The following STT3B variants were observed in gnomAD, a reference collection of about 807,000 sequenced individuals.
The protein encoded by STT3B is STT3 oligosaccharyltransferase complex catalytic subunit B, also known as dolichyl-diphosphooligosaccharide--protein glycosyltransferase subunit STT3B.
A neutral mutation model predicts 96.8 loss-of-function variants in STT3B; 29 were observed. The observed-to-expected ratio is 0.30, with a 90% CI of 0.22 to 0.41. The LOEUF (loss-of-function observed/expected upper bound fraction) is 0.41, where lower values mean the gene tolerates loss of function less well. Ranked by LOEUF, STT3B falls within the 10% of genes least tolerant of loss-of-function variation. The pLI is 1.00. For missense variants in STT3B, 640 were observed against 1,022.3 expected, an observed-to-expected ratio of 0.63 and a Z score of 5.10; for synonymous variants, 367 against 360.0, an observed-to-expected ratio of 1.02 and a Z score of -0.22.
chr3:31,631,700 A>G lies in STT3B; in HGVS notation c.2188-1235A>G, dbSNP rs145657291. Among the ~76,000 whole-genome samples, 207 of 152,178 alleles carry G rather than the reference A, an allele frequency of 1.4e-3. 3 individuals carry two copies. Among genetic ancestry groups the G allele is most frequent in the Admixed American group, 3.4e-3 (52 of 15,286 alleles). ...GGTGGCTCACACCTGTAATCCCAGA[A>G]CTTTGGGAGGTTAGGTGGGAGGATT... On this transcript the variant is annotated intron_variant, in intron 14 of 15. Transcript: ENST00000295770.
chr3:31,625,058 C>T lies in STT3B; in HGVS notation c.1872C>T (p.Asn624=), dbSNP rs1261419765. The change falls in exon 12 of 16, where the codon AAC becomes AAT. Residue 624 remains asparagine (N), a synonymous_variant. Transcript: ENST00000295770. ...ATAGAACTACGTTGGTGGATAATAA[C>T]ACCTGGAATAACAGCCACATAGCAC... ...MANRTTLVDN[N]TWNNSHIALV... 1 of 1,613,222 alleles carries T rather than the reference C, an allele frequency of 6.2e-7. No homozygotes were observed. Among genetic ancestry groups the T allele is most frequent in the Admixed American group, 1.7e-5 (1 of 59,944 alleles).
intron 4 of STT3B, among the ~76,000 whole-genome samples, chr3:31,599,020 A>G (rs563310342): frequency 6.6e-6 from 1 of 152,038 alleles, no homozygotes; most frequent in Admixed American, 6.5e-5. Context: ...ATGTGGTCAG[A>G]CTGGTCTCGA....
In STT3B at chr3:31,636,163, C is replaced by T. The variant is rs1410196434; in HGVS notation, c.*99C>T. Reference sequence around the variant, plus strand: ...GTTTCACAGCAAAGAGGGTACAGAACCATCACTGGTCCAGGTTAATGTACA... The same window carrying T: ...GTTTCACAGCAAAGAGGGTACAGAATCATCACTGGTCCAGGTTAATGTACA... On this transcript the variant is annotated 3_prime_UTR_variant, in exon 16 of 16. Transcript: ENST00000295770. The T allele has an allele frequency of 1.2e-6, 1 of 861,500 alleles. No individual in the cohort carries two copies. 53.4% of individuals were successfully genotyped at this position (861,500 alleles called of 1,614,324 possible). A position where few individuals can be genotyped will look rare whatever the true frequency, so the allele number is the denominator to read the frequency against.
chr3:31,553,483 A>G (rs1245239436), intron 1 of STT3B, among the ~76,000 whole-genome samples: 1 of 152,224 alleles, frequency 6.6e-6, no homozygotes, highest in Non-Finnish European at 1.5e-5. Flanking sequence ...AAACATGTTA[A>G]ATGAAAGAAG....
chr3:31,571,125 A>G (rs1049351339), intron 1 of STT3B, among the ~76,000 whole-genome samples: 3 of 152,150 alleles, frequency 2.0e-5, no homozygotes, highest in East Asian at 1.9e-4. Flanking sequence ...AAAAAATTAC[A>G]TAGGTATTGC....
chr3:31,533,126 A>AGGC lies in STT3B; in HGVS notation c.134_136dup (p.Ala45dup). The stretch of plus-strand genomic sequence containing the variant: ...GGGCCCGGGGCCCAGTGCGCGCACA[A>AGGC]GGCGGCGGGCGGCGCGGCGCCGCCG... On this transcript the variant is annotated inframe_insertion, in exon 1 of 16. Transcript: ENST00000295770. 7.6e-7 allele frequency: 1 copy of AGGC among 1,321,044 alleles called. No individual in the cohort carries two copies. The highest frequency in any genetic ancestry group is 2.4e-5 in the South Asian group (1 of 41,298). The allele number at this position is 1,321,044 out of a possible 1,614,324, so 81.8% of individuals were successfully genotyped here. A position where few individuals can be genotyped will look rare whatever the true frequency, so the allele number is the denominator to read the frequency against.
intron 1 of STT3B, among the ~76,000 whole-genome samples, chr3:31,542,337 GA>G (rs1331029144): frequency 1.3e-5 from 2 of 152,182 alleles, no homozygotes; most frequent in African/African-American, 4.8e-5. Flanking sequence ...AGGAATTTAG[GA>G]AAACCCTGGG....
At chr3:31,630,529 C>T (rs1213739253) in intron 14 of STT3B, among the ~76,000 whole-genome samples, 5 of 152,158 alleles carry the variant, frequency 3.3e-5, no homozygotes, top group African/African-American at 4.8e-5. Context: ...GCATAATGTG[C>T]GCCGAACGTC....
At chr3:31,559,072 T>A (rs918018882) in intron 1 of STT3B, among the ~76,000 whole-genome samples, 1 of 150,922 alleles carries the variant, frequency 6.6e-6, no homozygotes, top group African/African-American at 2.4e-5. Context: ...GTCTAGGAAG[T>A]GCCTTATTGG....
intron 1 of STT3B, among the ~76,000 whole-genome samples, chr3:31,572,094 G>A (rs9866846): frequency 0.73 from 95,304 of 130,482 alleles, 33,573 homozygotes; most frequent in Non-Finnish European, 0.79. Context: ...TAAGTATTAA[G>A]ATATTAAATA....
intron 5 of STT3B, among the ~76,000 whole-genome samples, chr3:31,606,326 G>C (rs183016964): frequency 4.6e-5 from 7 of 152,286 alleles, no homozygotes; most frequent in Admixed American, 4.6e-4. Context: ...TGTCTCCAGG[G>C]CATGTCAGAG....
chr3:31,566,994 G>A (rs1698021364), intron 1 of STT3B, among the ~76,000 whole-genome samples: 1 of 152,090 alleles, frequency 6.6e-6, no homozygotes, highest in South Asian at 2.1e-4. Context: ...CACCTTTAGA[G>A]GCACATTTTT....
intron 5 of STT3B, among the ~76,000 whole-genome samples, chr3:31,612,042 T>C (rs1174805684): frequency 4.6e-5 from 7 of 152,190 alleles, no homozygotes; most frequent in Admixed American, 4.6e-4. Flanking sequence ...ACAAGTTGAG[T>C]ACTCCTAATT....
intron 1 of STT3B, among the ~76,000 whole-genome samples, chr3:31,565,598 T>C (rs566219491): frequency 3.0e-4 from 45 of 152,290 alleles, no homozygotes; most frequent in African/African-American, 1.1e-3. Flanking sequence ...ATGAGAAAGG[T>C]GCCAAAAAGG....
At chr3:31,611,765 A>G (rs868632003) in intron 5 of STT3B, among the ~76,000 whole-genome samples, 1 of 152,186 alleles carries the variant, frequency 6.6e-6, no homozygotes, top group Middle Eastern at 3.4e-3. Context: ...CTAAAGTGCT[A>G]GGATTACAGG....
intron 1 of STT3B, among the ~76,000 whole-genome samples, chr3:31,537,485 TATG>T (rs1697131322): frequency 6.6e-6 from 1 of 152,306 alleles, no homozygotes. Context: ...TGTATGAATT[TATG>T]ATAAGATTGG....
chr3:31,563,478 G>T lies in STT3B; in HGVS notation c.315-12918G>T, dbSNP rs1697929120. ...AAATAAAAAGATCAAGATAATTTTA[G>T]TTAGTGATAAAGGCTATTAAAAAAG... On this transcript the variant is annotated intron_variant, in intron 1 of 15. Coordinates refer to ENST00000295770, the MANE Select transcript of STT3B (RefSeq NM_178862.3). Among the ~76,000 whole-genome samples the T allele has an allele frequency of 5.9e-5, 9 of 152,184 alleles. No homozygotes were observed. In the South Asian group the frequency reaches 1.9e-3, roughly 32 times the overall value.
chr3:31,604,540 C>T (rs1184738883), intron 5 of STT3B, among the ~76,000 whole-genome samples: 1 of 152,110 alleles, frequency 6.6e-6, no homozygotes, highest in Non-Finnish European at 1.5e-5. Context: ...GCAAATTTCA[C>T]TCACCATACA....
chr3:31,589,632 A>G (rs1303238747), intron 3 of STT3B, among the ~76,000 whole-genome samples: 1 of 151,986 alleles, frequency 6.6e-6, no homozygotes, highest in African/African-American at 2.4e-5. Context: ...TGACCCAATT[A>G]CTATAACTTC....
Sources: allele counts gnomAD v4.1 joint callset (sites outside exome capture counted in the v4.1 genomes callset), GRCh38; gene constraint gnomAD v4.1.1; transcripts MANE v1.5; gene names NCBI Gene and HGNC (gene_info 2026-07-23, HGNC 2026-07-21).